The following STOX1 variants were observed in gnomAD, a reference collection of about 807,000 sequenced individuals.
STOX1 encodes the protein storkhead-box protein 1.
A neutral mutation model predicts 74.8 loss-of-function variants in STOX1; 57 were observed. That is an observed-to-expected ratio of 0.76 (90% CI 0.62 to 0.95). The LOEUF is 0.95. Among genes scored for constraint, STOX1 ranks in the 40% least tolerant of loss-of-function variants. The probability of loss-of-function intolerance (pLI) is 0.00; values close to 1 mark genes in which losing one functional copy is unlikely to be tolerated. For synonymous variants in STOX1, 375 were observed against 401.3 expected (o/e 0.93, Z 0.78); for missense variants, 1,010 against 1,117.0 (o/e 0.90, Z 1.37).
Position 68,857,369 on chromosome 10 carries a change from G to A in STOX1, c.311-24589G>A, listed in dbSNP as rs573322785. On this transcript the variant is annotated intron_variant, in intron 1 of 3. Transcript: ENST00000298596. Reference sequence around the variant, plus strand: ...GAGGGAGGAAGCATCTTTGCTGCCTGGAGACAAAATGGAAGGATCCCGGGT... The same window carrying A: ...GAGGGAGGAAGCATCTTTGCTGCCTAGAGACAAAATGGAAGGATCCCGGGT... Among the ~76,000 whole-genome samples, 99 of 152,122 alleles carry A rather than the reference G, an allele frequency of 6.5e-4. 1 individual carries two copies. The highest frequency in any genetic ancestry group is 2.3e-3 in the African/African-American group (96 of 41,426).
chr10:68,859,037 C>T (rs999498240), intron 1 of STOX1, among the ~76,000 whole-genome samples: 9 of 152,050 alleles, frequency 5.9e-5, no homozygotes, highest in African/African-American at 2.2e-4. Flanking sequence ...AGACCTGGGG[C>T]CTGGGTGGAT....
downstream of STOX1, among the ~76,000 whole-genome samples, chr10:68,894,888 T>A (rs2132011627): frequency 6.6e-6 from 1 of 151,996 alleles, no homozygotes; most frequent in East Asian, 1.9e-4. Context: ...ACCAGGCTTG[T>A]CTTAATTTTA....
At chr10:68,895,033 A>G (rs748707019), downstream of STOX1, among the ~76,000 whole-genome samples, 11 of 152,200 alleles carry the variant, frequency 7.2e-5, no homozygotes, top group Non-Finnish European at 8.8e-5. Flanking sequence ...AGAATTTTAT[A>G]TTAGACAAAG....
intron 2 of STOX1, 24 bp from the exon 3 acceptor site, chr10:68,884,236 C>T (rs770239040): frequency 6.2e-6 from 10 of 1,610,170 alleles, no homozygotes; most frequent in Non-Finnish European, 8.5e-6. Context: ...CAAAATCTAT[C>T]TGTAAAATGC....
intron 3 of STOX1, among the ~76,000 whole-genome samples, chr10:68,887,149 A>G (rs1276631030): frequency 1.3e-5 from 2 of 152,206 alleles, no homozygotes; most frequent in Non-Finnish European, 2.9e-5. Flanking sequence ...GACTGTCCCC[A>G]CTACTCATAA....
At chr10:68,888,026 G>A (rs1219753690) in intron 3 of STOX1, among the ~76,000 whole-genome samples, 1 of 151,942 alleles carries the variant, frequency 6.6e-6, no homozygotes, top group East Asian at 1.9e-4. Flanking sequence ...CTTACTGGTT[G>A]AAAAATATTT....
chr10:68,830,116 G>T (rs1312764034), intron 1 of STOX1, among the ~76,000 whole-genome samples: 10 of 152,116 alleles, frequency 6.6e-5, no homozygotes, highest in Admixed American at 5.9e-4. Context: ...TGGTGTCTGT[G>T]TTGGTGCTGT....
intron 1 of STOX1, among the ~76,000 whole-genome samples, chr10:68,875,929 G>T (rs1462215836): frequency 6.6e-6 from 1 of 152,106 alleles, no homozygotes; most frequent in Non-Finnish European, 1.5e-5. Flanking sequence ...ATAGTGAAGA[G>T]CTCAGTATTT....
intron 1 of STOX1, among the ~76,000 whole-genome samples, chr10:68,860,160 C>T (rs1183005416): frequency 7.9e-5 from 12 of 151,350 alleles, no homozygotes; most frequent in Admixed American, 4.6e-4. Flanking sequence ...CCCAGCTACT[C>T]GGGAGGCTGA....
intron 1 of STOX1, among the ~76,000 whole-genome samples, chr10:68,863,620 T>C (rs1007107953): frequency 6.6e-6 from 1 of 152,100 alleles, no homozygotes; most frequent in Non-Finnish European, 1.5e-5. Context: ...TTCCCTGCAT[T>C]CAAAGGTCCT....
chr10:68,863,350 G>A (rs192118479), intron 1 of STOX1, among the ~76,000 whole-genome samples: 45 of 152,008 alleles, frequency 3.0e-4, no homozygotes, highest in South Asian at 4.2e-4. Context: ...TGGTTGTCCC[G>A]CCTTCCTCAG....
In STOX1 at chr10:68,886,456, G is replaced by GTCCTCAGAA; in HGVS notation, c.2663_2671dup (p.Pro888_Asn890dup). ...AAGAAGCCAGCTAGCTGGAGTCAGA[G>GTCCTCAGAA]TCCTCAGAATCAGGAAATGAGAAAA... is the stretch of plus-strand genomic sequence containing the variant. On this transcript the variant is annotated inframe_insertion, in exon 3 of 4. Transcript: ENST00000298596. The GTCCTCAGAA allele has an allele frequency of 6.2e-7, 1 of 1,614,150 alleles. No individual in the cohort carries two copies. The highest frequency in any genetic ancestry group is 8.5e-7 in the Non-Finnish European group (1 of 1,180,038).
chr10:68,841,191 C>G (rs1372122431), intron 1 of STOX1, among the ~76,000 whole-genome samples: 1 of 151,678 alleles, frequency 6.6e-6, no homozygotes, highest in Non-Finnish European at 1.5e-5. Flanking sequence ...GTGATCTGCC[C>G]GCCTTGGTCT....
chr10:68,846,400 C>G (rs1360326007), intron 1 of STOX1, among the ~76,000 whole-genome samples: 1 of 151,960 alleles, frequency 6.6e-6, no homozygotes, highest in Admixed American at 6.6e-5. Flanking sequence ...TCCACCTGCC[C>G]CGGCCCCCCA....
intron 1 of STOX1, among the ~76,000 whole-genome samples, chr10:68,878,312 GGAAAAAA>G (rs1370016112): frequency 7.9e-5 from 12 of 152,216 alleles, no homozygotes; most frequent in Non-Finnish European, 1.3e-4. Flanking sequence ...AGATGAGGAA[GGAAAAAA>G]GAAAAGAGGG....
At chr10:68,853,270 G>A (rs1279812860) in intron 1 of STOX1, among the ~76,000 whole-genome samples, 4 of 152,074 alleles carry the variant, frequency 2.6e-5, no homozygotes, top group African/African-American at 7.3e-5. Flanking sequence ...GACCCAATCC[G>A]CTGGGTTCGC....
At chr10:68,892,568 T>G (rs1198756212) in intron 3 of STOX1, 21 bp from the exon 4 acceptor site, 3 of 1,611,106 alleles carry the variant, frequency 1.9e-6, no homozygotes, top group Non-Finnish European at 2.5e-6. Flanking sequence ...CCAATAATTC[T>G]GTTATTTTTA....
chr10:68,887,710 T>C (rs1286355768), intron 3 of STOX1, among the ~76,000 whole-genome samples: 1 of 148,200 alleles, frequency 6.7e-6, no homozygotes, highest in Admixed American at 6.7e-5. Context: ...TCTCCCACTT[T>C]AGCCTCCCAA....
chr10:68,842,318 G>GA (rs1839711941), intron 1 of STOX1, among the ~76,000 whole-genome samples: 1 of 152,132 alleles, frequency 6.6e-6, no homozygotes, highest in South Asian at 2.1e-4. Context: ...TGTGCTAGTG[G>GA]AAAGTCACAT....
Sources: allele counts gnomAD v4.1 joint callset (sites outside exome capture counted in the v4.1 genomes callset), GRCh38; gene constraint gnomAD v4.1.1; transcripts MANE v1.5; gene names NCBI Gene and HGNC (gene_info 2026-07-23, HGNC 2026-07-21).